ADCK1: variants seen among roughly 807,000 people sequenced by gnomAD.
ADCK1 encodes the protein aarF domain containing kinase 1, also known as aarF domain-containing protein kinase 1.
ADCK1 carries 41 observed loss-of-function variants against 52.3 expected under a neutral mutation model. That is an observed-to-expected ratio of 0.78 (90% CI 0.61 to 1.02). ADCK1 has a LOEUF of 1.02. Ranked by LOEUF, ADCK1 falls within the 50% of genes least tolerant of loss-of-function variation. The probability of loss-of-function intolerance (pLI) is 0.00; values close to 1 mark genes in which losing one functional copy is unlikely to be tolerated. For missense variants in ADCK1, 658 were observed against 679.5 expected (o/e 0.97, Z 0.35); for synonymous variants, 250 against 274.6 (o/e 0.91, Z 0.89).
Position 77,924,547 on chromosome 14 carries a change from C to T in ADCK1, c.949C>T (p.Arg317Trp), listed in dbSNP as rs377083301. 2.5e-4 allele frequency: 401 copies of T among 1,613,878 alleles called. 1 individual carries two copies. The highest frequency in any genetic ancestry group is 3.2e-4 in the Non-Finnish European group (373 of 1,180,048). The stretch of plus-strand genomic sequence containing the variant: ...TCCCCACCCCGGCAATGTACTGGTG[C>T]GGAAGCACCCCGGCACGGGAAAGGC... ...CDPHPGNVLV[R>W]KHPGTGKAEI... Residue 317 changes from arginine (R) to tryptophan (W), a missense_variant, in exon 8 of 11, where the codon CGG (arginine) becomes TGG (tryptophan). By Grantham distance (101) the Arg-to-Trp change is moderately radical (BLOSUM62 -3). Transcript: ENST00000238561.
intron 6 of ADCK1, among the ~76,000 whole-genome samples, chr14:77,903,688 G>GT (rs1484749032): frequency 6.6e-6 from 1 of 152,128 alleles, no homozygotes; most frequent in Non-Finnish European, 1.5e-5. Flanking sequence ...GACCATTTCT[G>GT]TATGTGTGGA....
intron 1 of ADCK1, among the ~76,000 whole-genome samples, chr14:77,806,454 A>G (rs1445875780): frequency 6.6e-6 from 1 of 152,084 alleles, no homozygotes. Context: ...GGTGGTTTCA[A>G]TTATCAGTGG....
intron 1 of ADCK1, among the ~76,000 whole-genome samples, chr14:77,803,840 A>G (rs1248893321): frequency 1.3e-5 from 2 of 152,206 alleles, no homozygotes; most frequent in African/African-American, 4.8e-5. Flanking sequence ...ACAGGAGTCC[A>G]GGTGTTCCTA....
rs190146933 is a variant in ADCK1 at position 77,889,456 on chromosome 14, A to G, written c.582+2207A>G. 2.6e-5 allele frequency among the ~76,000 whole-genome samples: 4 copies of G among 152,332 alleles called. No homozygotes were observed. In the East Asian group the frequency reaches 5.8e-4, roughly 22 times the overall value. On this transcript the variant is annotated intron_variant, in intron 5 of 10. Coordinates refer to ENST00000238561, the MANE Select transcript of ADCK1 (RefSeq NM_020421.4). ...TAAACTATAGAGAAGGGGGACAACTATTTATCAGTCAGGGTACAGCTGGGG... is the reference window on the plus strand; with the variant it reads ...TAAACTATAGAGAAGGGGGACAACTGTTTATCAGTCAGGGTACAGCTGGGG...
At chr14:77,800,811 G>A (rs2081093293) in intron 1 of ADCK1, among the ~76,000 whole-genome samples, 2 of 152,258 alleles carry the variant, frequency 1.3e-5, no homozygotes, top group Non-Finnish European at 2.9e-5. Flanking sequence ...CTACTAACAA[G>A]AAAGTCATTC....
At chr14:77,856,758 C>G (rs761008309) in intron 3 of ADCK1, among the ~76,000 whole-genome samples, 4 of 152,184 alleles carry the variant, frequency 2.6e-5, no homozygotes, top group Non-Finnish European at 5.9e-5. Flanking sequence ...AATCCTAGCA[C>G]TTTGGGAGGC....
rs981026328 is a variant in ADCK1, at chr14:77,926,059, C to G, written c.1206+98C>G. 2.1e-6 allele frequency: 3 copies of G among 1,404,748 alleles called. No homozygotes were observed. In the African/African-American group the frequency reaches 4.3e-5, roughly 20 times the overall value. 87.0% of individuals were successfully genotyped at this position (1,404,748 alleles called of 1,614,324 possible). The stretch of plus-strand genomic sequence containing the variant: ...TCCAAGTAAGGTCTAAGAGTCTAGA[C>G]TGGTGGGCTGTGTGTTGGGGGAGGG... On this transcript the variant is annotated intron_variant, in intron 9 of 10. Coordinates refer to ENST00000238561, the MANE Select transcript of ADCK1 (RefSeq NM_020421.4).
At chr14:77,804,611 T>A (rs1194042396) in intron 1 of ADCK1, among the ~76,000 whole-genome samples, 1 of 115,866 alleles carries the variant, frequency 8.6e-6, no homozygotes, top group African/African-American at 3.4e-5. Flanking sequence ...GGCTGGGAGG[T>A]GGTGTTGGGG....
rs149180494 is a variant in ADCK1 at position 77,933,310 on chromosome 14, G to C, written c.1491G>C (p.Glu497Asp). The part of the protein sequence containing the change: ...AFNLWQINLH[E>D]LILRVKGLKL... The stretch of plus-strand genomic sequence containing the variant: ...ACTTATGGCAGATCAACCTCCATGA[G>C]CTCATCCTGCGTGTGAAGGGGTTGA... The change falls in exon 11 of 11, where the codon GAG becomes GAC. Residue 497 changes from glutamate (E) to aspartate (D), a missense_variant. Physicochemically the swap from Glu to Asp is conservative, Grantham distance 45 (BLOSUM62 2). Transcript: ENST00000238561. The C allele has an allele frequency of 6.2e-7, 1 of 1,614,132 alleles. No individual in the cohort carries two copies. Among genetic ancestry groups the C allele is most frequent in the Non-Finnish European group, 8.5e-7 (1 of 1,180,040 alleles).
chr14:77,917,592 T>C (rs1015132518), intron 7 of ADCK1, among the ~76,000 whole-genome samples: 8 of 152,246 alleles, frequency 5.3e-5, no homozygotes, highest in Non-Finnish European at 1.2e-4. Flanking sequence ...ACTCAGTCTT[T>C]TTATAGATTC....
chr14:77,837,603 G>T (rs926162558), intron 3 of ADCK1, among the ~76,000 whole-genome samples: 1 of 152,168 alleles, frequency 6.6e-6, no homozygotes, highest in African/African-American at 2.4e-5. Flanking sequence ...CTCAGGCTGT[G>T]CCTGTAACCA....
chr14:77,819,153 G>A (rs547864969), intron 2 of ADCK1, 40 bp downstream of exon 2: 1 of 1,612,036 alleles, frequency 6.2e-7, no homozygotes, highest in East Asian at 2.2e-5. Context: ...GAAGCTGCAG[G>A]ATTACTTGCA....
chr14:77,806,148 A>G (rs1386893753), intron 1 of ADCK1, among the ~76,000 whole-genome samples: 1 of 150,872 alleles, frequency 6.6e-6, no homozygotes, highest in East Asian at 2.0e-4. Context: ...GCTGGTCTGG[A>G]CTCCTGAGCT....
chr14:77,803,580 G>A (rs1002917005), intron 1 of ADCK1, among the ~76,000 whole-genome samples: 3 of 152,132 alleles, frequency 2.0e-5, no homozygotes, highest in Non-Finnish European at 4.4e-5. Context: ...GTGGTCCAGC[G>A]AGATGGATTC....
chr14:77,833,730 C>T (rs1418748251), intron 3 of ADCK1, among the ~76,000 whole-genome samples: 1 of 152,008 alleles, frequency 6.6e-6, no homozygotes, highest in Non-Finnish European at 1.5e-5. Context: ...AGTGGGAGTC[C>T]TGGGGGTTAA....
At chr14:77,922,486 G>A (rs761806374) in intron 7 of ADCK1, among the ~76,000 whole-genome samples, 5 of 152,172 alleles carry the variant, frequency 3.3e-5, no homozygotes, top group Admixed American at 6.5e-5. Flanking sequence ...AATCGGGGGC[G>A]CTTATGAGAG....
chr14:77,879,240 G>A (rs1481877224), intron 4 of ADCK1, among the ~76,000 whole-genome samples: 2 of 152,326 alleles, frequency 1.3e-5, no homozygotes, highest in South Asian at 4.2e-4. Flanking sequence ...GTACCATCAG[G>A]TGTAAGGTGC....
chr14:77,876,175 G>T (rs2082894878), intron 4 of ADCK1, among the ~76,000 whole-genome samples: 1 of 152,214 alleles, frequency 6.6e-6, no homozygotes, highest in South Asian at 2.1e-4. Context: ...TGACTGGGCT[G>T]TATTCCTTCT....
At chr14:77,922,294 C>T (rs555835095) in intron 7 of ADCK1, among the ~76,000 whole-genome samples, 3 of 152,292 alleles carry the variant, frequency 2.0e-5, no homozygotes, top group Admixed American at 6.5e-5. Flanking sequence ...AGAACTTGAC[C>T]TGGGGCAAAG....
Sources: gnomAD v4.1 joint callset for allele counts (sites outside exome capture counted in the v4.1 genomes callset) on GRCh38, gnomAD v4.1.1 for gene constraint, MANE v1.5 for transcripts, NCBI Gene and HGNC (gene_info 2026-07-23, HGNC 2026-07-21) for gene names.